The following CYRIA variants were observed in gnomAD, a reference collection of about 807,000 sequenced individuals.
CYRIA encodes the protein CYFIP related Rac1 interactor A.
Under a neutral mutation model 43.9 loss-of-function variants are expected in CYRIA, and 15 were observed. The ratio of observed to expected loss-of-function variants is 0.34; its 90% confidence interval spans 0.23 to 0.53. CYRIA has a LOEUF of 0.53. Ranked by LOEUF, CYRIA falls within the 20% of genes least tolerant of loss-of-function variation. The pLI is 0.94. For synonymous variants in CYRIA, 117 were observed against 136.0 expected, an observed-to-expected ratio of 0.86 and a Z score of 0.97; for missense variants, 236 against 394.2, an observed-to-expected ratio of 0.60 and a Z score of 3.40.
chr2:16,656,186 C>T (rs1397350731), intron 1 of CYRIA, among the ~76,000 whole-genome samples: 1 of 152,078 alleles, frequency 6.6e-6, no homozygotes, highest in Non-Finnish European at 1.5e-5. Flanking sequence ...TGTACACATC[C>T]ACATATTCAC....
At chr2:16,656,302 A>T (rs1365113882) in intron 1 of CYRIA, among the ~76,000 whole-genome samples, 2 of 152,042 alleles carry the variant, frequency 1.3e-5, no homozygotes, top group Non-Finnish European at 2.9e-5. Context: ...ACACCCACTC[A>T]CAAGCCACAC....
intron 3 of CYRIA, among the ~76,000 whole-genome samples, chr2:16,574,726 A>G (rs1446419802): frequency 6.6e-6 from 1 of 152,200 alleles, no homozygotes; most frequent in Non-Finnish European, 1.5e-5. Flanking sequence ...GTACACAGAA[A>G]TCAAAAACTG....
intron 1 of CYRIA, among the ~76,000 whole-genome samples, chr2:16,634,070 G>A (rs1183091287): frequency 6.6e-6 from 1 of 152,132 alleles, no homozygotes; most frequent in Non-Finnish European, 1.5e-5. Flanking sequence ...ACTGAGTCAT[G>A]GTCGAGGTGA....
intron 2 of CYRIA, among the ~76,000 whole-genome samples, chr2:16,599,765 AT>A (rs905420954): frequency 1.7e-4 from 26 of 150,656 alleles, no homozygotes; most frequent in African/African-American, 6.1e-4. Flanking sequence ...CTCCAACTTT[AT>A]TTTTTTTTGA....
At chr2:16,633,586 G>GTTTTTT (rs1669402657) in intron 1 of CYRIA, among the ~76,000 whole-genome samples, 1 of 110,498 alleles carries the variant, frequency 9.0e-6, no homozygotes, top group African/African-American at 4.0e-5. Flanking sequence ...TAGAGAAGGG[G>GTTTTTT]TTTCACCATG....
Position 16,559,090 on chromosome 2 carries a change from C to T in CYRIA, c.837+370G>A, listed in dbSNP as rs190664921. On this transcript the variant is annotated intron_variant, in intron 10 of 11. Transcript: ENST00000381323. ...GTAATTTGGGATTTGACCATAGTGT[C>T]TTGTAATGTAGTATCTCCCAACTCT... is the stretch of plus-strand genomic sequence containing the variant. Among the ~76,000 whole-genome samples, 7 of 152,220 alleles carry T rather than the reference C, an allele frequency of 4.6e-5. No individual in the cohort carries two copies. The East Asian group carries it at 9.7e-4, about 21-fold the overall frequency.
intron 1 of CYRIA, among the ~76,000 whole-genome samples, chr2:16,635,446 T>A (rs951484329): frequency 6.6e-6 from 1 of 152,294 alleles, no homozygotes; most frequent in African/African-American, 2.4e-5. Flanking sequence ...ATGAGGTAGA[T>A]CTCTTGCCCT....
chr2:16,560,693 C>T (rs1381294239), intron 9 of CYRIA: 1 of 423,142 alleles, frequency 2.4e-6, no homozygotes, highest in African/African-American at 2.0e-5. Context: ...TTAACACACC[C>T]TCCATTTGGT....
At position 16,551,135 on chromosome 2, in the gene CYRIA, G is replaced by C. The variant is rs894935185; in HGVS notation, c.*1801C>G. 1 of 152,164 alleles carries C rather than the reference G, an allele frequency of 6.6e-6. No individual in the cohort carries two copies. Among genetic ancestry groups the C allele is most frequent in the Non-Finnish European group, 1.5e-5 (1 of 68,024 alleles). The allele number at this position is 152,164 out of a possible 1,614,324, so 9.4% of individuals were successfully genotyped here. A position where few individuals can be genotyped will look rare whatever the true frequency, so the allele number is the denominator to read the frequency against. ...TTCTGTTGACTAATGTTTAGATGCA[G>C]ACCAGGGAATCTTTCCTGTCACTTG... On this transcript the variant is annotated 3_prime_UTR_variant, in exon 12 of 12. Transcript: ENST00000381323.
chr2:16,615,813 C>T (rs1356466493), intron 2 of CYRIA, among the ~76,000 whole-genome samples: 2 of 152,200 alleles, frequency 1.3e-5, no homozygotes, highest in Non-Finnish European at 2.9e-5. Flanking sequence ...GGCTCAGTGA[C>T]GAGGCAGCTG....
chr2:16,621,809 AGCTTTATTTTTTTCT>A (rs1198136482), intron 2 of CYRIA, among the ~76,000 whole-genome samples: 2 of 152,162 alleles, frequency 1.3e-5, no homozygotes. Context: ...TCTCTGACTT[AGCTTTATTTTTTTCT>A]GCTTTATTTT....
intron 2 of CYRIA, among the ~76,000 whole-genome samples, chr2:16,600,004 C>T (rs1572493441): frequency 6.6e-6 from 1 of 152,208 alleles, no homozygotes. Flanking sequence ...GATCCACCCG[C>T]CTCGGTCTCC....
intron 3 of CYRIA, among the ~76,000 whole-genome samples, chr2:16,567,201 C>A (rs779498110): frequency 1.3e-5 from 2 of 152,100 alleles, no homozygotes; most frequent in Non-Finnish European, 2.9e-5. Context: ...GTCAGGAGAT[C>A]GAGGCCAACC....
intron 3 of CYRIA, among the ~76,000 whole-genome samples, chr2:16,578,681 A>G (rs1045560398): frequency 6.6e-6 from 1 of 152,176 alleles, no homozygotes; most frequent in East Asian, 1.9e-4. Flanking sequence ...AGAAAGTATC[A>G]GTAAACTTGA....
chr2:16,625,208 C>T (rs1040328806), intron 1 of CYRIA, among the ~76,000 whole-genome samples: 1 of 152,136 alleles, frequency 6.6e-6, no homozygotes, highest in Non-Finnish European at 1.5e-5. Context: ...CCAAGACTTC[C>T]TGCCAGGCTC....
At chr2:16,589,462 C>G (rs1667846693) in intron 2 of CYRIA, among the ~76,000 whole-genome samples, 1 of 150,720 alleles carries the variant, frequency 6.6e-6, no homozygotes, top group Non-Finnish European at 1.5e-5. Flanking sequence ...AACATGAAAT[C>G]AGAAGACAGA....
At chr2:16,585,881 C>T (rs1667713305) in intron 3 of CYRIA, among the ~76,000 whole-genome samples, 1 of 152,034 alleles carries the variant, frequency 6.6e-6, no homozygotes, top group Non-Finnish European at 1.5e-5. Flanking sequence ...AGGAGAATAC[C>T]AGTTGAAAAC....
chr2:16,572,284 T>C (rs1279304032), intron 3 of CYRIA, among the ~76,000 whole-genome samples: 3 of 152,096 alleles, frequency 2.0e-5, no homozygotes, highest in African/African-American at 4.8e-5. Context: ...ATGAAGATGA[T>C]GGAATAGATT....
At position 16,599,755 on chromosome 2, in the gene CYRIA, C is replaced by T. The variant is rs1452543977; in HGVS notation, c.-10-11626G>A. Among the ~76,000 whole-genome samples, 4 of 152,210 alleles carry T rather than the reference C, an allele frequency of 2.6e-5. No individual in the cohort carries two copies. The South Asian group carries it at 6.2e-4, about 24-fold the overall frequency. On this transcript the variant is annotated intron_variant, in intron 2 of 11. Coordinates refer to ENST00000381323, the MANE Select transcript of CYRIA (RefSeq NM_030797.4). ...TCCTATTCGGCCATCTTGGCTCCTC[C>T]TCCAACTTTATTTTTTTTTGAGACA... is the stretch of plus-strand genomic sequence containing the variant.
Sources: gnomAD v4.1 joint callset for allele counts (sites outside exome capture counted in the v4.1 genomes callset) on GRCh38, gnomAD v4.1.1 for gene constraint, MANE v1.5 for transcripts, NCBI Gene and HGNC (gene_info 2026-07-23, HGNC 2026-07-21) for gene names.